The following RNF19B variants were observed in gnomAD, a reference collection of about 807,000 sequenced individuals.
The protein encoded by RNF19B is E3 ubiquitin-protein ligase RNF19B.
Under a neutral mutation model 65.5 loss-of-function variants are expected in RNF19B, and 23 were observed. The observed-to-expected ratio is 0.35, with a 90% CI of 0.25 to 0.50. The LOEUF is 0.50. Among genes scored for constraint, RNF19B ranks in the 20% least tolerant of loss-of-function variants. The pLI, the probability that RNF19B is intolerant of heterozygous loss-of-function variation, is 0.98. For synonymous variants in RNF19B, 372 were observed against 379.6 expected (o/e 0.98, Z 0.23); for missense variants, 794 against 980.0 (o/e 0.81, Z 2.53).
chr1:32,950,744 C>A (rs1463507677), intron 1 of RNF19B, among the ~76,000 whole-genome samples: 1 of 151,870 alleles, frequency 6.6e-6, no homozygotes, highest in Non-Finnish European at 1.5e-5. Flanking sequence ...GCCCCATTGC[C>A]CAGGCTGGTC....
At chr1:32,957,429 T>A (rs1442145869) in intron 1 of RNF19B, among the ~76,000 whole-genome samples, 1 of 152,240 alleles carries the variant, frequency 6.6e-6, no homozygotes, top group Admixed American at 6.5e-5. Flanking sequence ...TATCTATGTA[T>A]CAATTATCTG....
downstream of RNF19B, among the ~76,000 whole-genome samples, chr1:32,934,305 G>T (rs1289989723): frequency 6.6e-6 from 1 of 152,226 alleles, no homozygotes. Flanking sequence ...AAGTCATCTG[G>T]TCTTCAGGGA....
rs570490039 is a variant in RNF19B at position 32,964,180 on chromosome 1, C to T, written c.506G>A (p.Arg169Gln). 1 of 1,546,158 alleles carries T rather than the reference C, an allele frequency of 6.5e-7. No individual in the cohort carries two copies. Among genetic ancestry groups the T allele is most frequent in the South Asian group, 1.2e-5 (1 of 83,688 alleles). The change falls in exon 1 of 9, where the codon CGA becomes CAA. Residue 169 changes from arginine (R) to glutamine (Q), a missense_variant. Arg to Gln is a conservative substitution (Grantham distance 43, BLOSUM62 1). Coordinates refer to ENST00000235150, the MANE Select transcript of RNF19B (RefSeq NM_001300826.2). This position sits in a 1 kb window ranked among gnomAD's most constrained non-coding sequence, Gnocchi z 6.5. Reference protein sequence around the residue: ...VPISCPECSERLNPHDIRLLL... With the variant: ...VPISCPECSEQLNPHDIRLLL... Reference sequence around the variant, plus strand: ...CAAGCGGATGTCGTGCGGGTTGAGTCGCTCGCTGCACTCGGGGCAGCTGAT... The same window carrying T: ...CAAGCGGATGTCGTGCGGGTTGAGTTGCTCGCTGCACTCGGGGCAGCTGAT...
intron 1 of RNF19B, among the ~76,000 whole-genome samples, chr1:32,956,580 AAATAAAAAAT>A (rs1027965696): frequency 2.0e-5 from 3 of 152,182 alleles, no homozygotes; most frequent in African/African-American, 7.2e-5. Context: ...TATCTCAAAA[AAATAAAAAAT>A]AATAAAAAAG....
In RNF19B at chr1:32,964,773, A is replaced by ACGC. The variant is rs1286365229; in HGVS notation, c.-91_-89dup. 2.8e-4 allele frequency: 339 copies of ACGC among 1,205,752 alleles called. 2 individuals carry two copies. Among genetic ancestry groups the ACGC allele is most frequent in the Admixed American group, 1.9e-3 (42 of 22,152 alleles). The allele number at this position is 1,205,752 out of a possible 1,614,324, so 74.7% of individuals were successfully genotyped here. On this transcript the variant is annotated 5_prime_UTR_variant, in exon 1 of 9. Transcript: ENST00000235150. This position sits in a 1 kb window ranked among gnomAD's most constrained non-coding sequence, Gnocchi z 6.5. ...CTCAGCCAGCGCCCGGCCGCCGCCGACGCCGCCACCACCGCCTCAACCGCC... is the reference window on the plus strand; with the variant it reads ...CTCAGCCAGCGCCCGGCCGCCGCCGACGCCGCCGCCACCACCGCCTCAACCGCC...
chr1:32,941,948 T>C (rs1257795736), intron 7 of RNF19B, among the ~76,000 whole-genome samples: 1 of 151,892 alleles, frequency 6.6e-6, no homozygotes, highest in African/African-American at 2.4e-5. Flanking sequence ...ATACAAAAAA[T>C]TAGCTGGGCG....
intron 8 of RNF19B, 114 bp from the exon 9 acceptor site, chr1:32,937,373 A>G: frequency 2.0e-6 from 3 of 1,469,062 alleles, no homozygotes; most frequent in Non-Finnish European, 2.8e-6. Context: ...TGAACAGTTA[A>G]CTAGAGCTCA....
chr1:32,943,366 C>A (rs1315509913), intron 6 of RNF19B, among the ~76,000 whole-genome samples: 1 of 152,010 alleles, frequency 6.6e-6, no homozygotes, highest in African/African-American at 2.4e-5. Context: ...AATCCCAGCA[C>A]TTTGGGAGGC....
downstream of RNF19B, among the ~76,000 whole-genome samples, chr1:32,933,386 C>G (rs868578333): frequency 1.3e-5 from 2 of 151,948 alleles, no homozygotes; most frequent in Non-Finnish European, 1.5e-5. Context: ...TCTCGAGTTG[C>G]TGGGACTACA....
downstream of RNF19B, among the ~76,000 whole-genome samples, chr1:32,931,454 A>T (rs1428002149): frequency 6.6e-6 from 1 of 152,180 alleles, no homozygotes; most frequent in Non-Finnish European, 1.5e-5. Context: ...AGCCATATCT[A>T]TAAGGGGAAG....
rs1221030850 is a variant in RNF19B, at chr1:32,964,623, G to C, written c.63C>G (p.Asp21Glu). ...RSTSLHAAAP[D>E]PKCRSGGRRR... is the part of the protein sequence containing the mutation. The stretch of plus-strand genomic sequence containing the variant: ...GCCGGCCGCCGCTGCGGCACTTAGG[G>C]TCGGGTGCGGCCGCATGTAGCGATG... The change falls in exon 1 of 9, where the codon GAC becomes GAG. Residue 21 changes from aspartate to glutamate, a missense_variant. This residue lies in a region of RNF19B where 374 missense variants were observed against 423.8 expected (regional missense o/e 0.88). Transcript: ENST00000235150. This position sits in a 1 kb window ranked among gnomAD's most constrained non-coding sequence, Gnocchi z 6.5. The C allele has an allele frequency of 6.8e-6, 10 of 1,471,410 alleles. No homozygotes were observed. The South Asian group carries it at 1.3e-4, about 19-fold the overall frequency. 91.1% of individuals were successfully genotyped at this position (1,471,410 alleles called of 1,614,324 possible). A position where few individuals can be genotyped will look rare whatever the true frequency, so the allele number is the denominator to read the frequency against.
chr1:32,960,803 C>A (rs1180618505), intron 1 of RNF19B, among the ~76,000 whole-genome samples: 1 of 152,004 alleles, frequency 6.6e-6, no homozygotes, highest in African/African-American at 2.4e-5. Context: ...TCGAGACCAG[C>A]CTGGGCAACA....
At position 32,937,021 on chromosome 1, in the gene RNF19B, T is replaced by C. The variant is rs1642121887; in HGVS notation, c.1981A>G (p.Ser661Gly). 1 of 1,614,188 alleles carries C rather than the reference T, an allele frequency of 6.2e-7. No homozygotes were observed. The highest frequency in any genetic ancestry group is 1.3e-5 in the African/African-American group (1 of 75,030). ...PWDISLAQPE[S>G]IRSDLESSDA... ...GAACTCTCTAGGTCACTGCGGATGC[T>C]TTCAGGCTGGGCCAGGCTGATGTCC... The change falls in exon 9 of 9, where the codon AGC becomes GGC. Residue 661 changes from serine to glycine, a missense_variant. This residue lies in a region of RNF19B where 368 missense variants were observed against 447.3 expected (regional missense o/e 0.82). Coordinates refer to ENST00000235150, the MANE Select transcript of RNF19B (RefSeq NM_001300826.2).
rs1438958122 is a variant in RNF19B at position 32,964,700 on chromosome 1, G to A, written c.-15C>T. ...TCGGAGCCCATGGCCGGCAGAGGCCGAGGAGCCAGGGGCGCCCAGCGCCGC... is the reference window on the plus strand; with the variant it reads ...TCGGAGCCCATGGCCGGCAGAGGCCAAGGAGCCAGGGGCGCCCAGCGCCGC... On this transcript the variant is annotated 5_prime_UTR_variant, in exon 1 of 9. Transcript: ENST00000235150. The surrounding 1 kb of genome is among the most constrained non-coding windows in gnomAD (Gnocchi z 6.5). 1.8e-5 allele frequency: 26 copies of A among 1,446,986 alleles called. No homozygotes were observed. The highest frequency in any genetic ancestry group is 2.1e-5 in the Non-Finnish European group (23 of 1,103,944). 89.6% of individuals were successfully genotyped at this position (1,446,986 alleles called of 1,614,324 possible). A position where few individuals can be genotyped will look rare whatever the true frequency, so the allele number is the denominator to read the frequency against.
At chr1:32,949,833 C>T (rs1642450020) in intron 1 of RNF19B, 59 bp from the exon 2 acceptor site, 4 of 1,325,454 alleles carry the variant, frequency 3.0e-6, no homozygotes, top group Non-Finnish European at 4.3e-6. Context: ...CCAAAAGAGA[C>T]ATTATTCATC....
intron 1 of RNF19B, among the ~76,000 whole-genome samples, chr1:32,950,481 G>C (rs1009389316): frequency 6.6e-6 from 1 of 151,940 alleles, no homozygotes; most frequent in East Asian, 1.9e-4. Context: ...ATTAGTATTT[G>C]TTTATACGAA....
Position 32,964,259 on chromosome 1 carries a change from G to T in RNF19B, c.427C>A (p.Arg143=), listed in dbSNP as rs767402214. The T allele has an allele frequency of 6.5e-7, 1 of 1,541,000 alleles. No homozygotes were observed. The highest frequency in any genetic ancestry group is 8.7e-7 in the Non-Finnish European group (1 of 1,144,394). The change falls in exon 1 of 9, where the codon CGG becomes AGG. Residue 143 remains arginine (R), a synonymous_variant. Transcript: ENST00000235150. This position sits in a 1 kb window ranked among gnomAD's most constrained non-coding sequence, Gnocchi z 6.5. The part of the protein sequence containing the change: ...RLLSCPHRSC[R]DCLRHYLRLE... The stretch of plus-strand genomic sequence containing the variant: ...CGCAGGTAGTGGCGGAGGCAGTCCC[G>T]GCACGAGCGGTGCGGACAGCTGAGG...
At chr1:32,960,927 C>G (rs985562585) in intron 1 of RNF19B, among the ~76,000 whole-genome samples, 1 of 151,956 alleles carries the variant, frequency 6.6e-6, no homozygotes, top group Admixed American at 6.6e-5. Flanking sequence ...GCAGGAGGAT[C>G]GCCTGAGCCC....
At chr1:32,951,867 G>A (rs974311889) in intron 1 of RNF19B, among the ~76,000 whole-genome samples, 6 of 150,542 alleles carry the variant, frequency 4.0e-5, no homozygotes, top group Non-Finnish European at 8.9e-5. Context: ...GCGTGATCTC[G>A]GCTCACTGCA....
Sources: allele counts gnomAD v4.1 joint callset (sites outside exome capture counted in the v4.1 genomes callset), GRCh38; gene constraint gnomAD v4.1.1; regional missense constraint gnomAD v4.1.1; non-coding constraint Gnocchi (gnomAD v3.1); transcripts MANE v1.5; gene names NCBI Gene and HGNC (gene_info 2026-07-23, HGNC 2026-07-21).